DPP10: variants seen among roughly 807,000 people sequenced by gnomAD.
DPP10 encodes dipeptidyl peptidase like 10.
DPP10 carries 33 observed loss-of-function variants against 120.9 expected under a neutral mutation model. The observed-to-expected ratio is 0.27, with a 90% CI of 0.21 to 0.37. The LOEUF is 0.37. Ranked by LOEUF, DPP10 falls within the 10% of genes least tolerant of loss-of-function variation. The pLI, the probability that DPP10 is intolerant of heterozygous loss-of-function variation, is 1.00. For synonymous variants in DPP10, 337 were observed against 326.1 expected (o/e 1.03, Z -0.36); for missense variants, 816 against 942.8 (o/e 0.87, Z 1.76).
At chr2:114,648,244 C>T (rs751596470) in intron 1 of DPP10, among the ~76,000 whole-genome samples, 19 of 152,306 alleles carry the variant, frequency 1.2e-4, no homozygotes, top group African/African-American at 4.6e-4. Flanking sequence ...CTGTGTTCTC[C>T]TTAATAAAGT....
chr2:115,434,687 C>T (rs528510947), intron 3 of DPP10, among the ~76,000 whole-genome samples: 15 of 151,662 alleles, frequency 9.9e-5, no homozygotes, highest in East Asian at 1.9e-4. Context: ...GTGTTGGGAA[C>T]GTTTCAGTTC....
intron 1 of DPP10, among the ~76,000 whole-genome samples, chr2:115,293,815 C>A (rs1402002468): frequency 1.3e-5 from 2 of 152,002 alleles, no homozygotes; most frequent in African/African-American, 4.8e-5. Flanking sequence ...TTGATCCCTG[C>A]AGCCTGAATC....
chr2:114,511,541 C>G lies in DPP10; in HGVS notation c.60+68703C>G, dbSNP rs528776224. ...TACAGCAGATAAAAACAAAACAGAA[C>G]AAATATATGGAAAAATATGTAGCTG... On this transcript the variant is annotated intron_variant, in intron 1 of 25. Transcript: ENST00000410059. Among the ~76,000 whole-genome samples, 5 of 152,232 alleles carry G rather than the reference C, an allele frequency of 3.3e-5. No individual in the cohort carries two copies. In the South Asian group the frequency reaches 1.0e-3, roughly 32 times the overall value.
intron 1 of DPP10, among the ~76,000 whole-genome samples, chr2:115,192,197 C>A (rs767745457): frequency 1.3e-4 from 20 of 152,194 alleles, no homozygotes; most frequent in Non-Finnish European, 2.5e-4. Context: ...TATTTTCAAG[C>A]AATGTCTTGA....
rs1472351968 is a variant in DPP10, at chr2:114,497,118, C to CACACGTGTATACATGTAGGTAT, written c.60+54301_60+54322dup. Reference sequence around the variant, plus strand: ...ACATGTGTACATGTACGTATACATGCACACGTGTATACATGTAGGTATACA... The same window carrying CACACGTGTATACATGTAGGTAT: ...ACATGTGTACATGTACGTATACATGCACACGTGTATACATGTAGGTATACACGTGTATACATGTAGGTATACA... On this transcript the variant is annotated intron_variant, in intron 1 of 25. Transcript: ENST00000410059. Among the ~76,000 whole-genome samples the CACACGTGTATACATGTAGGTAT allele has an allele frequency of 5.5e-5, 8 of 146,700 alleles. No homozygotes were observed. In the East Asian group the frequency reaches 8.1e-4, roughly 15 times the overall value.
intron 1 of DPP10, among the ~76,000 whole-genome samples, chr2:114,943,342 C>G (rs1004134039): frequency 3.9e-5 from 6 of 152,122 alleles, no homozygotes; most frequent in African/African-American, 1.4e-4. Flanking sequence ...GGTGCTATCT[C>G]TGCTCACTAC....
intron 1 of DPP10, among the ~76,000 whole-genome samples, chr2:114,709,757 G>C (rs1158422240): frequency 3.9e-5 from 6 of 152,090 alleles, no homozygotes; most frequent in Non-Finnish European, 8.8e-5. Context: ...TCTATATGAT[G>C]GGAATACGTT....
At chr2:114,670,438 C>G (rs911649460) in intron 1 of DPP10, among the ~76,000 whole-genome samples, 1 of 151,840 alleles carries the variant, frequency 6.6e-6, no homozygotes, top group Admixed American at 6.6e-5. Context: ...GGACAAAAAA[C>G]CAAACACCGC....
At chr2:114,475,263 A>G (rs1231278080) in intron 1 of DPP10, among the ~76,000 whole-genome samples, 3 of 152,204 alleles carry the variant, frequency 2.0e-5, no homozygotes, top group East Asian at 1.9e-4. Flanking sequence ...AGAGGTTTTT[A>G]TAATAAATAG....
At chr2:114,816,988 G>T (rs772821981) in intron 1 of DPP10, among the ~76,000 whole-genome samples, 3 of 152,114 alleles carry the variant, frequency 2.0e-5, no homozygotes, top group Non-Finnish European at 4.4e-5. Context: ...ACTATTTTCT[G>T]GCTATAAAAC....
intron 3 of DPP10, among the ~76,000 whole-genome samples, chr2:115,442,389 G>A (rs1620614): frequency 0.033 from 4,990 of 151,472 alleles, 283 homozygotes; most frequent in African/African-American, 0.11. Flanking sequence ...GTGTGTGTGC[G>A]TGTGTCGTTT....
intron 1 of DPP10, among the ~76,000 whole-genome samples, chr2:115,041,485 A>G (rs1704641448): frequency 6.6e-6 from 1 of 152,228 alleles, no homozygotes; most frequent in Non-Finnish European, 1.5e-5. Context: ...CTTATGAGGT[A>G]GCATAAAGCA....
intron 5 of DPP10, 82 bp from the exon 6 acceptor site, chr2:115,689,605 C>G: frequency 1.1e-6 from 1 of 934,748 alleles, no homozygotes; most frequent in Non-Finnish European, 1.6e-6. Flanking sequence ...TCTTGGATTA[C>G]CTGGATGTTA....
chr2:115,726,065 C>T (rs1163387999), intron 7 of DPP10, among the ~76,000 whole-genome samples: 1 of 152,092 alleles, frequency 6.6e-6, no homozygotes, highest in Non-Finnish European at 1.5e-5. Flanking sequence ...TTCATTGTCT[C>T]ACCTGAGAAC....
In DPP10 at chr2:115,768,284, T is replaced by C; in HGVS notation, c.1114-13T>C. ...GCCTTTCTGAGATTGTTCTGTGCTCTTCTGTATTTTAGAATGAGGAGCCCG... is the reference window on the plus strand; with the variant it reads ...GCCTTTCTGAGATTGTTCTGTGCTCCTCTGTATTTTAGAATGAGGAGCCCG... On this transcript the variant is annotated splice_polypyrimidine_tract_variant and intron_variant, in intron 12 of 25. Coordinates refer to ENST00000410059, the MANE Select transcript of DPP10 (RefSeq NM_020868.6). 4 of 1,611,692 alleles carry C rather than the reference T, an allele frequency of 2.5e-6. No homozygotes were observed. Among genetic ancestry groups the C allele is most frequent in the Non-Finnish European group, 3.4e-6 (4 of 1,178,102 alleles).
intron 1 of DPP10, among the ~76,000 whole-genome samples, chr2:114,668,035 A>C (rs534491515): frequency 1.3e-3 from 191 of 152,004 alleles, no homozygotes; most frequent in Middle Eastern, 3.4e-3. Flanking sequence ...GAGGTGGCCC[A>C]GTGGAAATTT....
At chr2:115,743,652 T>C (rs1303368654) in intron 9 of DPP10, among the ~76,000 whole-genome samples, 1 of 140,974 alleles carries the variant, frequency 7.1e-6, no homozygotes, top group African/African-American at 2.4e-5. Flanking sequence ...TTTTTATTAG[T>C]TTATGAGATA....
intron 1 of DPP10, among the ~76,000 whole-genome samples, chr2:114,512,922 T>G (rs1197653264): frequency 1.3e-5 from 2 of 152,066 alleles, no homozygotes; most frequent in African/African-American, 4.8e-5. Flanking sequence ...GAAATATAAA[T>G]TATGTAAAAT....
chr2:115,608,055 G>A (rs2083820792), intron 5 of DPP10, among the ~76,000 whole-genome samples: 1 of 151,954 alleles, frequency 6.6e-6, no homozygotes, highest in Admixed American at 6.6e-5. Flanking sequence ...GTCAGCTGAG[G>A]GCACAAGCAC....
Sources: allele counts gnomAD v4.1 joint callset (sites outside exome capture counted in the v4.1 genomes callset), GRCh38; gene constraint gnomAD v4.1.1; transcripts MANE v1.5; gene names NCBI Gene and HGNC (gene_info 2026-07-23, HGNC 2026-07-21).